The following CTNND1 variants were observed in gnomAD, a reference collection of about 807,000 sequenced individuals.
CTNND1 encodes catenin delta-1.
In CTNND1, 16 loss-of-function variants were observed where a neutral mutation model predicts 112.1. The ratio of observed to expected loss-of-function variants is 0.14; its 90% CI spans 0.10 to 0.22. CTNND1 has a LOEUF of 0.22. Among genes scored for constraint, CTNND1 ranks in the 10% least tolerant of loss-of-function variants. The pLI is 1.00. For missense variants in CTNND1, 1,008 were observed against 1,257.0 expected (o/e 0.80, Z 3.00); for synonymous variants, 420 against 446.5 (o/e 0.94, Z 0.75).
At chr11:57,816,138 T>C in intron 20 of CTNND1, 137 bp downstream of exon 20, 5 of 1,146,776 alleles carry the variant, frequency 4.4e-6, no homozygotes, top group Non-Finnish European at 6.4e-6. Context: ...GGTTCTGCTT[T>C]TGTGATTATT....
Position 57,814,323 on chromosome 11 carries a change from A to G in CTNND1, c.2651A>G (p.Asp884Gly), listed in dbSNP as rs2137645319. 6.2e-7 allele frequency: 1 copy of G among 1,611,828 alleles called. No homozygotes were observed. The highest frequency in any genetic ancestry group is 8.5e-7 in the Non-Finnish European group (1 of 1,178,830). Residue 884 changes from aspartate to glycine, a missense_variant, in exon 18 of 21, where the codon GAT becomes GGT. By Grantham distance (94) the Asp-to-Gly change is moderately conservative. Around this residue, in one of 5 missense-constraint regions of CTNND1, gnomAD observed 106 missense variants for 116.2 expected, o/e 0.91. Coordinates refer to ENST00000399050, the MANE Select transcript of CTNND1 (RefSeq NM_001085458.2). The stretch of plus-strand genomic sequence containing the variant: ...TGACTTCATACAGATAAGAAACCTG[A>G]TCGGGAAGAAATTCAGATGAGCAAT... ...DRNQKSDKKP[D>G]REEIQMSNMG...
intron 2 of CTNND1, among the ~76,000 whole-genome samples, chr11:57,790,269 C>CA (rs1188970731): frequency 2.0e-5 from 3 of 152,036 alleles, no homozygotes; most frequent in African/African-American, 7.2e-5. Context: ...AAGGTTTCCC[C>CA]ATGTTGGCCA....
chr11:57,768,042 C>T (rs1285876131), intron 1 of CTNND1, among the ~76,000 whole-genome samples: 2 of 151,962 alleles, frequency 1.3e-5, no homozygotes, highest in Non-Finnish European at 2.9e-5. Context: ...ACCATATTGG[C>T]CAGGCTGGTC....
chr11:57,771,260 C>A (rs1189225976), intron 1 of CTNND1, among the ~76,000 whole-genome samples: 1 of 151,916 alleles, frequency 6.6e-6, no homozygotes. Flanking sequence ...ACAAAATAGA[C>A]CTACTGTTTG....
intron 1 of CTNND1, among the ~76,000 whole-genome samples, chr11:57,783,694 A>G (rs1458824581): frequency 6.6e-6 from 1 of 152,118 alleles, no homozygotes; most frequent in African/African-American, 2.4e-5. Context: ...TCTTGACAAA[A>G]TATATTTCTT....
chr11:57,792,025 A>C (rs2060803828), intron 3 of CTNND1, among the ~76,000 whole-genome samples: 1 of 152,158 alleles, frequency 6.6e-6, no homozygotes, highest in Admixed American at 6.5e-5. Flanking sequence ...AAAATCAGGA[A>C]AGTAAATGCC....
intron 12 of CTNND1, among the ~76,000 whole-genome samples, chr11:57,807,891 C>CAAAG (rs1448500595): frequency 6.6e-6 from 1 of 151,950 alleles, no homozygotes; most frequent in Non-Finnish European, 1.5e-5. Flanking sequence ...GAACCAAAGG[C>CAAAG]AAAGCTATGG....
Position 57,805,981 on chromosome 11 carries a change from G to A in CTNND1, c.1822G>A (p.Ala608Thr). The A allele has an allele frequency of 6.2e-7, 1 of 1,612,638 alleles. No homozygotes were observed. The highest frequency in any genetic ancestry group is 8.5e-7 in the Non-Finnish European group (1 of 1,179,278). ...ERYQEAAPNV[A>T]NNTGPHAASC... is the part of the protein sequence containing the mutation. ...TTACCAAGAGGCAGCTCCCAATGTTGCCAACAATACTGGGCCACATGCTGC... is the reference window on the plus strand; with the variant it reads ...TTACCAAGAGGCAGCTCCCAATGTTACCAACAATACTGGGCCACATGCTGC... The change falls in exon 10 of 21, where the codon GCC (alanine) becomes ACC (threonine). Residue 608 changes from alanine (A) to threonine (T), a missense_variant. Around this residue, in one of 5 missense-constraint regions of CTNND1, gnomAD observed 254 missense variants for 279.5 expected, o/e 0.91. Coordinates refer to ENST00000399050, the MANE Select transcript of CTNND1 (RefSeq NM_001085458.2).
At chr11:57,763,620 A>G (rs1456454110) in intron 1 of CTNND1, among the ~76,000 whole-genome samples, 1 of 152,250 alleles carries the variant, frequency 6.6e-6, no homozygotes, top group African/African-American at 2.4e-5. Context: ...AAAAGAAAGA[A>G]AAAATACAAT....
intron 1 of CTNND1, among the ~76,000 whole-genome samples, chr11:57,763,359 T>G (rs1371055155): frequency 6.6e-6 from 1 of 152,186 alleles, no homozygotes; most frequent in East Asian, 1.9e-4. Flanking sequence ...GCTCATTAGC[T>G]TTAAACTGGT....
chr11:57,806,127 A>G (rs1591614059), intron 10 of CTNND1, 92 bp downstream of exon 10: 2 of 1,447,664 alleles, frequency 1.4e-6, no homozygotes, highest in Non-Finnish European at 1.8e-6. Flanking sequence ...TGGCAACAGT[A>G]TGGGAGTCTG....
At chr11:57,779,506 A>G (rs1316666357) in intron 1 of CTNND1, among the ~76,000 whole-genome samples, 5 of 152,152 alleles carry the variant, frequency 3.3e-5, no homozygotes, top group Admixed American at 2.6e-4. Flanking sequence ...GTTCCTGAGC[A>G]CACACACAAA....
chr11:57,803,400 A>G (rs2062256359), intron 7 of CTNND1, among the ~76,000 whole-genome samples: 2 of 152,170 alleles, frequency 1.3e-5, no homozygotes, highest in African/African-American at 2.4e-5. Flanking sequence ...AGCGTTGCTT[A>G]TAGTTAAACA....
intron 7 of CTNND1, among the ~76,000 whole-genome samples, chr11:57,803,293 T>A (rs934175236): frequency 7.2e-5 from 11 of 152,238 alleles, no homozygotes; most frequent in African/African-American, 2.4e-4. Context: ...ATTTTTAGTG[T>A]TAGCCAGGAT....
chr11:57,769,435 C>G (rs1253578524), intron 1 of CTNND1, among the ~76,000 whole-genome samples: 2 of 152,196 alleles, frequency 1.3e-5, no homozygotes, highest in African/African-American at 4.8e-5. Flanking sequence ...CAGGCACACA[C>G]CACCTTGCCT....
At position 57,791,667 on chromosome 11, in the gene CTNND1, G is replaced by A. The variant is rs1369300504; in HGVS notation, c.189G>A (p.Arg63=). The A allele has an allele frequency of 2.6e-6, 4 of 1,567,394 alleles. No individual in the cohort carries two copies. The highest frequency in any genetic ancestry group is 2.6e-6 in the Non-Finnish European group (3 of 1,152,550). Residue 63 remains arginine (R), a synonymous_variant, in exon 3 of 21, where the codon CGG becomes CGA. Transcript: ENST00000399050. ...PLMANGTLTR[R]HQNGRFVGDA... is the part of the protein sequence containing the mutation. ...TGGCCAACGGCACACTCACCCGCCGGCATCAGGTAACCCCTCTCTCCATCA... is the reference window on the plus strand; with the variant it reads ...TGGCCAACGGCACACTCACCCGCCGACATCAGGTAACCCCTCTCTCCATCA...
intron 1 of CTNND1, among the ~76,000 whole-genome samples, chr11:57,775,351 ACAC>A (rs1953940619): frequency 2.0e-5 from 3 of 148,386 alleles, no homozygotes; most frequent in Admixed American, 1.3e-4. Context: ...AAAAAACAAC[ACAC>A]ACACACACAC....
At chr11:57,783,422 G>A (rs2059796944) in intron 1 of CTNND1, among the ~76,000 whole-genome samples, 1 of 152,198 alleles carries the variant, frequency 6.6e-6, no homozygotes, top group Non-Finnish European at 1.5e-5. Flanking sequence ...CACTTTGGAA[G>A]GCCGCGGCGG....
chr11:57,806,490 C>G lies in CTNND1; in HGVS notation c.1894+12C>G. 6.3e-7 allele frequency: 1 copy of G among 1,597,732 alleles called. No homozygotes were observed. The highest frequency in any genetic ancestry group is 8.5e-7 in the Non-Finnish European group (1 of 1,170,778). ...GTGGTTCTCCAGAGGTGAGTGGAGT[C>G]TTTTAAGGTGCTTATCTACTTCTAA... On this transcript the variant is annotated intron_variant, in intron 11 of 20. Transcript: ENST00000399050.
Sources: allele counts gnomAD v4.1 joint callset (sites outside exome capture counted in the v4.1 genomes callset), GRCh38; gene constraint gnomAD v4.1.1; regional missense constraint gnomAD v4.1.1; transcripts MANE v1.5; gene names NCBI Gene and HGNC (gene_info 2026-07-23, HGNC 2026-07-21).